The following BBS9 variants were observed in gnomAD, a reference collection of about 807,000 sequenced individuals.
The protein encoded by BBS9 is protein PTHB1.
BBS9 carries 89 observed loss-of-function variants against 117.7 expected under a neutral mutation model. That is an observed-to-expected ratio of 0.76 (90% CI 0.64 to 0.90). The LOEUF (loss-of-function observed/expected upper bound fraction) is 0.90. Ranked by LOEUF, BBS9 falls within the 40% of genes least tolerant of loss-of-function variation. The probability of loss-of-function intolerance (pLI) is 0.00; values close to 1 mark genes in which losing one functional copy is unlikely to be tolerated. For missense variants in BBS9, 982 were observed against 1,042.2 expected, an observed-to-expected ratio of 0.94 and a Z score of 0.80; for synonymous variants, 379 against 370.9, an observed-to-expected ratio of 1.02 and a Z score of -0.25.
chr7:33,194,264 A>G (rs1784602109), intron 5 of BBS9, among the ~76,000 whole-genome samples: 1 of 152,078 alleles, frequency 6.6e-6, no homozygotes, highest in Non-Finnish European at 1.5e-5. Flanking sequence ...AGTTTTAATG[A>G]AATTTTCAGA....
chr7:33,280,911 G>GTTTTTTTTT (rs150736523), intron 9 of BBS9, among the ~76,000 whole-genome samples: 23 of 79,366 alleles, frequency 2.9e-4, no homozygotes, highest in East Asian at 6.9e-4. Context: ...TGTCGTTTTT[G>GTTTTTTTTT]TTTTTTTTTT....
At chr7:33,376,211 G>C (rs1823863329) in intron 17 of BBS9, among the ~76,000 whole-genome samples, 1 of 151,882 alleles carries the variant, frequency 6.6e-6, no homozygotes, top group Non-Finnish European at 1.5e-5. Flanking sequence ...AGGCCCCAGT[G>C]TCTCTTGTTT....
intron 19 of BBS9, among the ~76,000 whole-genome samples, chr7:33,426,418 G>A (rs1460530892): frequency 1.3e-5 from 2 of 152,052 alleles, no homozygotes; most frequent in East Asian, 1.9e-4. Context: ...ACACTTCCCC[G>A]TGGATTTGGG....
chr7:33,556,952 A>G (rs573814221), intron 21 of BBS9, among the ~76,000 whole-genome samples: 2 of 152,164 alleles, frequency 1.3e-5, no homozygotes, highest in Non-Finnish European at 1.5e-5. Flanking sequence ...GGGAGTTGAA[A>G]TGTAAGCTTT....
At chr7:33,371,945 C>T (rs1206471710) in intron 17 of BBS9, among the ~76,000 whole-genome samples, 1 of 152,098 alleles carries the variant, frequency 6.6e-6, no homozygotes, top group Non-Finnish European at 1.5e-5. Context: ...TTTAATGAGA[C>T]TGATTATCAT....
chr7:33,282,193 A>T (rs1802040855), intron 9 of BBS9, among the ~76,000 whole-genome samples: 1 of 152,196 alleles, frequency 6.6e-6, no homozygotes, highest in Non-Finnish European at 1.5e-5. Flanking sequence ...CTGCATTTTT[A>T]AAAACTATTA....
intron 20 of BBS9, among the ~76,000 whole-genome samples, chr7:33,518,860 A>G (rs561363420): frequency 1.0e-3 from 154 of 152,312 alleles, no homozygotes; most frequent in Admixed American, 3.1e-3. Context: ...TGACACTAAC[A>G]TTGAATGATG....
In BBS9 at chr7:33,349,049, A is replaced by G. The variant is rs1306203783; in HGVS notation, c.1330-19A>G. 8 of 1,512,902 alleles carry G rather than the reference A, an allele frequency of 5.3e-6. No homozygotes were observed. The highest frequency in any genetic ancestry group is 6.4e-6 in the Non-Finnish European group (7 of 1,088,716). 93.7% of individuals were successfully genotyped at this position (1,512,902 alleles called of 1,614,324 possible). On this transcript the variant is annotated intron_variant, in intron 12 of 22. Coordinates refer to ENST00000242067, the MANE Select transcript of BBS9 (RefSeq NM_198428.3). ...AATAAAATGTAATTTTCTATTGATA[A>G]CAATTTCTGTTTCCTTAGGTCACAC... is the stretch of plus-strand genomic sequence containing the variant.
At chr7:33,598,148 C>T (rs942482857) in intron 21 of BBS9, among the ~76,000 whole-genome samples, 1 of 151,896 alleles carries the variant, frequency 6.6e-6, no homozygotes, top group Non-Finnish European at 1.5e-5. Context: ...CTGTTCACTC[C>T]CCACTTGGCT....
intron 5 of BBS9, among the ~76,000 whole-genome samples, chr7:33,249,312 T>C (rs1195013586): frequency 1.3e-5 from 2 of 152,082 alleles, no homozygotes; most frequent in Non-Finnish European, 2.9e-5. Context: ...TATAATTTAA[T>C]AGAGAAGACT....
intron 5 of BBS9, among the ~76,000 whole-genome samples, chr7:33,223,477 C>G (rs1790658070): frequency 6.6e-6 from 1 of 152,158 alleles, no homozygotes; most frequent in African/African-American, 2.4e-5. Context: ...ATGCACAACA[C>G]ACTTTTCCTC....
intron 19 of BBS9, among the ~76,000 whole-genome samples, chr7:33,474,562 T>C (rs1450543704): frequency 6.6e-6 from 1 of 152,240 alleles, no homozygotes; most frequent in Non-Finnish European, 1.5e-5. Flanking sequence ...AGATGGCTGC[T>C]GCAGTTCTAG....
intron 19 of BBS9, among the ~76,000 whole-genome samples, chr7:33,445,905 C>T (rs1183278291): frequency 6.6e-6 from 1 of 152,070 alleles, no homozygotes; most frequent in Non-Finnish European, 1.5e-5. Flanking sequence ...TTTAAGTTTC[C>T]TAGGGCTTCC....
intron 2 of BBS9, among the ~76,000 whole-genome samples, chr7:33,150,689 C>A (rs1370802311): frequency 6.6e-6 from 1 of 152,134 alleles, no homozygotes; most frequent in Non-Finnish European, 1.5e-5. Context: ...CACACCACAA[C>A]CCCCAGACCC....
chr7:33,296,454 C>T (rs1320884475), intron 9 of BBS9, among the ~76,000 whole-genome samples: 1 of 152,162 alleles, frequency 6.6e-6, no homozygotes, highest in Non-Finnish European at 1.5e-5. Context: ...ATGATAACTT[C>T]ATTTTGAGTT....
At chr7:33,155,768 G>T in intron 4 of BBS9, 66 bp downstream of exon 4, 1 of 924,972 alleles carries the variant, frequency 1.1e-6, no homozygotes. Context: ...TATGAGAATA[G>T]ATATTCCCTA....
chr7:33,279,459 G>A (rs1801409373), intron 9 of BBS9, among the ~76,000 whole-genome samples: 1 of 152,210 alleles, frequency 6.6e-6, no homozygotes, highest in African/African-American at 2.4e-5. Context: ...TAGGGTTAAA[G>A]CTTTTTGATA....
At chr7:33,598,408 C>T (rs775282523) in intron 21 of BBS9, among the ~76,000 whole-genome samples, 1 of 151,966 alleles carries the variant, frequency 6.6e-6, no homozygotes, top group African/African-American at 2.4e-5. Context: ...CCAAAGGAGA[C>T]GTGACAATGA....
intron 21 of BBS9, among the ~76,000 whole-genome samples, chr7:33,584,201 C>T (rs1860496721): frequency 2.0e-5 from 3 of 151,886 alleles, no homozygotes; most frequent in Non-Finnish European, 2.9e-5. Context: ...TCTACCTAGT[C>T]TATGTGATAG....
Sources: allele counts gnomAD v4.1 joint callset (sites outside exome capture counted in the v4.1 genomes callset), GRCh38; gene constraint gnomAD v4.1.1; transcripts MANE v1.5; gene names NCBI Gene and HGNC (gene_info 2026-07-23, HGNC 2026-07-21).